Variants in ONECUT2 observed in about 807,000 individuals in gnomAD.
ONECUT2 encodes one cut homeobox 2.
Under a neutral mutation model 27.9 loss-of-function variants are expected in ONECUT2, and 10 were observed. That is an observed-to-expected ratio of 0.36 (90% CI 0.22 to 0.61). The LOEUF (loss-of-function observed/expected upper bound fraction) is 0.61. ONECUT2 is among the 20% of genes least tolerant of loss of function. The pLI, the probability that ONECUT2 is intolerant of heterozygous loss-of-function variation, is 0.73. For missense variants in ONECUT2, 686 were observed against 721.0 expected (o/e 0.95, Z 0.56); for synonymous variants, 334 against 315.1 (o/e 1.06, Z -0.64).
Position 57,471,831 on chromosome 18 carries a change from G to A in ONECUT2, c.1229-4606G>A, listed in dbSNP as rs144143733. On this transcript the variant is annotated intron_variant, in intron 1 of 1. Coordinates refer to ENST00000491143, the MANE Select transcript of ONECUT2 (RefSeq NM_004852.3). Reference sequence around the variant, plus strand: ...CTCTTCGAGTCTTTGAAATGGAAGCGAGCGCTTGGCCTTCCATGTGGTCCT... The same window carrying A: ...CTCTTCGAGTCTTTGAAATGGAAGCAAGCGCTTGGCCTTCCATGTGGTCCT... 8.6e-3 allele frequency among the ~76,000 whole-genome samples: 1,310 copies of A among 152,222 alleles called. 8 individuals carry two copies. The highest frequency in any genetic ancestry group is 0.013 in the Non-Finnish European group (898 of 68,030).
rs748244249 is a variant in ONECUT2 at position 57,435,684 on chromosome 18, C to T, written c.-33C>T. 2.7e-5 allele frequency: 28 copies of T among 1,040,654 alleles called. No individual in the cohort carries two copies. The highest frequency in any genetic ancestry group is 9.5e-5 in the South Asian group (3 of 31,594). 64.5% of individuals were successfully genotyped at this position (1,040,654 alleles called of 1,614,324 possible). A position where few individuals can be genotyped will look rare whatever the true frequency, so the allele number is the denominator to read the frequency against. On this transcript the variant is annotated 5_prime_UTR_variant, in exon 1 of 2. Transcript: ENST00000491143. ...TTGCCCGCCCGCCGGCCGCCCCCGC[C>T]GCCCCCGCCGCCCCCGGGCCCTGAT...
rs1568126660 is a variant in ONECUT2 at position 57,481,132 on chromosome 18, A to T, written c.*4409A>T. ...TAATTATTTCATTCCAGGAAATAAT[A>T]AAAAAAAACAGACAGAGCCAATACA... On this transcript the variant is annotated 3_prime_UTR_variant, in exon 2 of 2. Coordinates refer to ENST00000491143, the MANE Select transcript of ONECUT2 (RefSeq NM_004852.3). The T allele has an allele frequency of 1.5e-5, 1 of 65,768 alleles. No individual in the cohort carries two copies. Among genetic ancestry groups the T allele is most frequent in the African/African-American group, 8.5e-5 (1 of 11,740 alleles). 4.1% of individuals were successfully genotyped at this position (65,768 alleles called of 1,614,324 possible). A position where few individuals can be genotyped will look rare whatever the true frequency, so the allele number is the denominator to read the frequency against.
At chr18:57,465,298 G>T (rs2050315258) in intron 1 of ONECUT2, among the ~76,000 whole-genome samples, 2 of 152,094 alleles carry the variant, frequency 1.3e-5, no homozygotes, top group South Asian at 2.1e-4. Context: ...GAGTAGCTGG[G>T]ACCACAGGTG....
At chr18:57,474,634 C>T (rs2050371881) in intron 1 of ONECUT2, among the ~76,000 whole-genome samples, 1 of 152,044 alleles carries the variant, frequency 6.6e-6, no homozygotes, top group Non-Finnish European at 1.5e-5. Context: ...ACTTTATGGC[C>T]CAATCACCTC....
chr18:57,442,237 C>A (rs1223256006), intron 1 of ONECUT2, among the ~76,000 whole-genome samples: 1 of 134,878 alleles, frequency 7.4e-6, no homozygotes, highest in African/African-American at 3.0e-5. Flanking sequence ...AGAACTAATT[C>A]TTCTGGGTTT....
At chr18:57,448,855 A>C (rs553929227) in intron 1 of ONECUT2, among the ~76,000 whole-genome samples, 4 of 152,370 alleles carry the variant, frequency 2.6e-5, no homozygotes, top group Admixed American at 2.0e-4. Flanking sequence ...AATACTGAAA[A>C]GTGTGTGGAG....
chr18:57,475,233 T>A (rs541157537), intron 1 of ONECUT2, among the ~76,000 whole-genome samples: 10 of 151,960 alleles, frequency 6.6e-5, no homozygotes, highest in Non-Finnish European at 1.5e-4. Context: ...TTTTTTTGTA[T>A]CTTTAGTAAA....
In ONECUT2 at chr18:57,477,793, T is replaced by C. The variant is rs543447788; in HGVS notation, c.*1070T>C. Reference sequence around the variant, plus strand: ...ACTGTGTGTTATGACCACCACGTAATCCATTCTCGCTCTTTCTGATTTGGG... The same window carrying C: ...ACTGTGTGTTATGACCACCACGTAACCCATTCTCGCTCTTTCTGATTTGGG... On this transcript the variant is annotated 3_prime_UTR_variant, in exon 2 of 2. Coordinates refer to ENST00000491143, the MANE Select transcript of ONECUT2 (RefSeq NM_004852.3). 1 of 152,644 alleles carries C rather than the reference T, an allele frequency of 6.6e-6. No individual in the cohort carries two copies. The highest frequency in any genetic ancestry group is 2.4e-5 in the African/African-American group (1 of 41,550). 9.5% of individuals were successfully genotyped at this position (152,644 alleles called of 1,614,324 possible).
At chr18:57,439,292 C>T (rs986420365) in intron 1 of ONECUT2, among the ~76,000 whole-genome samples, 1 of 152,226 alleles carries the variant, frequency 6.6e-6, no homozygotes, top group Non-Finnish European at 1.5e-5. Context: ...GCACTGCCCA[C>T]GCTGCTAGAT....
intron 1 of ONECUT2, among the ~76,000 whole-genome samples, chr18:57,458,454 G>T (rs1455804388): frequency 6.6e-6 from 1 of 152,158 alleles, no homozygotes; most frequent in Non-Finnish European, 1.5e-5. Flanking sequence ...TTTGCGTATT[G>T]TTTTCACATA....
rs74781000 is a variant in ONECUT2, at chr18:57,440,275, G to T, written c.1228+3331G>T. ...CGGGTTCGAGCACACACTCTCGGGC[G>T]TTGGGCCCCAGAGACCTCTAAACCA... On this transcript the variant is annotated intron_variant, in intron 1 of 1. Transcript: ENST00000491143. Among the ~76,000 whole-genome samples the T allele has an allele frequency of 5.3e-3, 806 of 152,316 alleles. 8 individuals are homozygous for T. The highest frequency in any genetic ancestry group is 0.019 in the African/African-American group (781 of 41,562).
rs371795877 is a variant in ONECUT2, at chr18:57,436,439, C to A, written c.723C>A (p.Asn241Lys). 6.2e-7 allele frequency: 1 copy of A among 1,612,682 alleles called. No homozygotes were observed. Reference protein sequence around the residue: ...PLGNGLGGLHNAQQSLPNYGP... With the variant: ...PLGNGLGGLHKAQQSLPNYGP... The stretch of plus-strand genomic sequence containing the variant: ...GCAACGGGCTAGGCGGCCTCCACAA[C>A]GCGCAGCAGAGTCTGCCCAACTACG... The change falls in exon 1 of 2, where the codon AAC becomes AAA. Residue 241 changes from asparagine (N) to lysine (K), a missense_variant. Asn to Lys is a moderately conservative substitution (Grantham distance 94). Transcript: ENST00000491143. This position sits in a 1 kb window ranked among gnomAD's most constrained non-coding sequence, Gnocchi z 5.9.
chr18:57,452,411 T>C (rs977853113), intron 1 of ONECUT2, among the ~76,000 whole-genome samples: 1 of 126,934 alleles, frequency 7.9e-6, no homozygotes, highest in Non-Finnish European at 1.5e-5. Context: ...GCTCAACCTG[T>C]ATTTTATTTT....
rs1238609361 is a variant in ONECUT2 at position 57,478,149 on chromosome 18, C to T, written c.*1426C>T. ...TGGCGCATCATCGGGCTGAGCGGAC[C>T]AGCTACACCAAGGACATTAGCCAAG... On this transcript the variant is annotated 3_prime_UTR_variant, in exon 2 of 2. Transcript: ENST00000491143. The T allele has an allele frequency of 2.6e-5, 4 of 152,752 alleles. No individual in the cohort carries two copies. In the East Asian group the frequency reaches 7.7e-4, roughly 29 times the overall value. The allele number at this position is 152,752 out of a possible 1,614,324, so 9.5% of individuals were successfully genotyped here.
At chr18:57,439,911 G>T (rs1284856518) in intron 1 of ONECUT2, among the ~76,000 whole-genome samples, 1 of 152,252 alleles carries the variant, frequency 6.6e-6, no homozygotes, top group Non-Finnish European at 1.5e-5. Flanking sequence ...GGTTTAGGGG[G>T]CTCAGAATGA....
In ONECUT2 at chr18:57,460,514, T is replaced by G. The variant is rs183345572; in HGVS notation, c.1229-15923T>G. Among the ~76,000 whole-genome samples the G allele has an allele frequency of 7.8e-4, 118 of 151,548 alleles. 1 individual carries two copies. The highest frequency in any genetic ancestry group is 2.7e-3 in the African/African-American group (112 of 41,346). ...TTTAAATTATTTTTGCTTTATGATATATCTTGAGCTCTAATAGGATATATA... is the reference window on the plus strand; with the variant it reads ...TTTAAATTATTTTTGCTTTATGATAGATCTTGAGCTCTAATAGGATATATA... On this transcript the variant is annotated intron_variant, in intron 1 of 1. Transcript: ENST00000491143.
At position 57,489,566 on chromosome 18, in the gene ONECUT2, T is replaced by G. The variant is rs1208619540; in HGVS notation, c.*12843T>G. 1 of 152,188 alleles carries G rather than the reference T, an allele frequency of 6.6e-6. No individual in the cohort carries two copies. Among genetic ancestry groups the G allele is most frequent in the Admixed American group, 6.5e-5 (1 of 15,274 alleles). The allele number at this position is 152,188 out of a possible 1,614,324, so 9.4% of individuals were successfully genotyped here. A position where few individuals can be genotyped will look rare whatever the true frequency, so the allele number is the denominator to read the frequency against. ...GAGGTTTTTATCCCCCCATATCCTT[T>G]GCTTTGGTCCAGTTTGGCCTTTAGC... On this transcript the variant is annotated 3_prime_UTR_variant, in exon 2 of 2. Coordinates refer to ENST00000491143, the MANE Select transcript of ONECUT2 (RefSeq NM_004852.3).
rs751553928 is a variant in ONECUT2 at position 57,435,775 on chromosome 18, T to C, written c.59T>C (p.Met20Thr). ...CLTKDLEGCA[M>T]NPELTMESLG... is the part of the protein sequence containing the mutation. ...ACCAAAGACCTAGAAGGCTGCGCCA[T>C]GAACCCGGAGCTGACAATGGAAAGT... Residue 20 changes from methionine (M) to threonine (T), a missense_variant, in exon 1 of 2, where the codon ATG becomes ACG. Met to Thr is a moderately conservative substitution (Grantham distance 81). Transcript: ENST00000491143. 3 of 1,264,502 alleles carry C rather than the reference T, an allele frequency of 2.4e-6. No individual in the cohort carries two copies. The South Asian group carries it at 4.0e-5, about 17-fold the overall frequency. The allele number at this position is 1,264,502 out of a possible 1,614,324, so 78.3% of individuals were successfully genotyped here.
rs182088053 is a variant in ONECUT2, at chr18:57,436,079, C to T, written c.363C>T (p.Pro121=). The T allele has an allele frequency of 3.0e-5, 48 of 1,597,886 alleles. No individual in the cohort carries two copies. The East Asian group carries it at 5.6e-4, about 19-fold the overall frequency. Residue 121 remains proline (P), a synonymous_variant, in exon 1 of 2, where the codon CCC becomes CCT. Coordinates refer to ENST00000491143, the MANE Select transcript of ONECUT2 (RefSeq NM_004852.3). The surrounding 1 kb of genome is among the most constrained non-coding windows in gnomAD (Gnocchi z 5.9). The part of the protein sequence containing the change: ...ASILDGGDYR[P]ELSIPLHHAM... ...TCCTGGACGGCGGCGACTACCGGCC[C>T]GAGCTCTCCATCCCGCTGCACCACG... is the stretch of plus-strand genomic sequence containing the variant.
Sources: gnomAD v4.1 joint callset for allele counts (sites outside exome capture counted in the v4.1 genomes callset) on GRCh38, gnomAD v4.1.1 for gene constraint, Gnocchi (gnomAD v3.1) non-coding constraint, MANE v1.5 for transcripts, NCBI Gene and HGNC (gene_info 2026-07-23, HGNC 2026-07-21) for gene names.